JAKMIP3: variants seen among roughly 807,000 people sequenced by gnomAD.
The protein encoded by JAKMIP3 is Janus kinase and microtubule interacting protein 3, also known as janus kinase and microtubule-interacting protein 3.
In JAKMIP3, 58 loss-of-function variants were observed where a neutral mutation model predicts 118.5. The observed-to-expected ratio is 0.49, with a 90% CI of 0.40 to 0.61. The LOEUF (loss-of-function observed/expected upper bound fraction) is 0.61, where lower values mean the gene tolerates loss of function less well. JAKMIP3 is among the 20% of genes least tolerant of loss of function. JAKMIP3 has a pLI of 0.00. For missense variants in JAKMIP3, 950 were observed against 1,109.0 expected, an observed-to-expected ratio of 0.86 and a Z score of 2.04; for synonymous variants, 486 against 451.2, an observed-to-expected ratio of 1.08 and a Z score of -0.98.
At chr10:132,087,771 A>G (rs2042582835) in intron 1 of JAKMIP3, among the ~76,000 whole-genome samples, 1 of 151,500 alleles carries the variant, frequency 6.6e-6, no homozygotes, top group Non-Finnish European at 1.5e-5. Context: ...GGTTAGTTAC[A>G]TATGTATACA....
chr10:132,136,122 C>G, intron 6 of JAKMIP3, 46 bp downstream of exon 6: 1 of 1,598,388 alleles, frequency 6.3e-7, no homozygotes, highest in Non-Finnish European at 8.5e-7. Context: ...CACCCGAGCT[C>G]CAGGCAGCAT....
chr10:132,159,755 T>G (rs1405471246), intron 19 of JAKMIP3, among the ~76,000 whole-genome samples: 1 of 54,280 alleles, frequency 1.8e-5, no homozygotes, highest in African/African-American at 8.8e-5. Context: ...GGGGGGCCTC[T>G]TCCTGTGTGA....
intron 16 of JAKMIP3, among the ~76,000 whole-genome samples, chr10:132,150,866 A>G (rs573915826): frequency 2.0e-5 from 3 of 151,704 alleles, no homozygotes; most frequent in Admixed American, 2.0e-4. Context: ...CCATCTATCC[A>G]TCCTTCATCC....
chr10:132,097,971 T>TCCCCC (rs2044229608), intron 1 of JAKMIP3, among the ~76,000 whole-genome samples: 1 of 26,312 alleles, frequency 3.8e-5, no homozygotes, highest in Non-Finnish European at 9.1e-5. Context: ...CTTTCCTTCC[T>TCCCCC]TTTCTCCCCT....
At position 132,118,561 on chromosome 10, in the gene JAKMIP3, G is replaced by A. The variant is rs1175442873; in HGVS notation, c.633+987G>A. Among the ~76,000 whole-genome samples, 1 of 152,208 alleles carries A rather than the reference G, an allele frequency of 6.6e-6. No individual in the cohort carries two copies. Among genetic ancestry groups the A allele is most frequent in the Non-Finnish European group, 1.5e-5 (1 of 68,028 alleles). On this transcript the variant is annotated intron_variant, in intron 3 of 23. Transcript: ENST00000684848. The surrounding 1 kb of genome is among the most constrained non-coding windows in gnomAD (Gnocchi z 4.8). ...TCTCCAGGGATGGCCTCCAGGCTGG[G>A]CCAGCATGTGGAACTCCCAGAGAGG... is the stretch of plus-strand genomic sequence containing the variant.
intron 20 of JAKMIP3, 52 bp downstream of exon 20, chr10:132,163,464 A>G (rs2136577488): frequency 6.6e-7 from 1 of 1,508,052 alleles, no homozygotes. Flanking sequence ...CAGGACCTGC[A>G]CAGAGCCAGG....
intron 20 of JAKMIP3, 46 bp downstream of exon 20, chr10:132,163,458 A>G (rs1353168168): frequency 1.3e-6 from 2 of 1,524,988 alleles, no homozygotes; most frequent in African/African-American, 2.7e-5. Flanking sequence ...CCTGGCCAGG[A>G]CCTGCACAGA....
intron 2 of JAKMIP3, among the ~76,000 whole-genome samples, chr10:132,111,577 G>A (rs1464945285): frequency 6.6e-6 from 1 of 151,978 alleles, no homozygotes; most frequent in Non-Finnish European, 1.5e-5. Context: ...CCTATAGTCT[G>A]CCTGGGGACA....
At chr10:132,171,403 G>A (rs955523681) in intron 23 of JAKMIP3, among the ~76,000 whole-genome samples, 2 of 152,212 alleles carry the variant, frequency 1.3e-5, no homozygotes, top group Non-Finnish European at 2.9e-5. Flanking sequence ...CCCGGCAGGT[G>A]CACTGTGCGC....
intron 1 of JAKMIP3, among the ~76,000 whole-genome samples, chr10:132,097,903 T>TTCCCCTTTCCTTCCTTCCTTTTTTTTTC (rs1554928101): frequency 1.4e-5 from 1 of 72,874 alleles, no homozygotes; most frequent in Non-Finnish European, 3.0e-5. Flanking sequence ...CCCCTTCCCC[T>TTCCCCTTTCCTTCCTTCCTTTTTTTTTC]TCCCCTTCCC....
Position 132,053,607 on chromosome 10 carries a change from C to A in JAKMIP3, c.-138+16869C>A, listed in dbSNP as rs117986689. ...CTTAAGTGGGAGGTGAGTTCAGACC[C>A]CAACCAACCCTAACCTAACTCTAGT... On this transcript the variant is annotated intron_variant, in intron 1 of 23. Transcript: ENST00000657785. Among the ~76,000 whole-genome samples, 581 of 152,282 alleles carry A rather than the reference C, an allele frequency of 3.8e-3. 1 individual carries two copies. Among genetic ancestry groups the A allele is most frequent in the Middle Eastern group, 6.8e-3 (2 of 294 alleles).
intron 8 of JAKMIP3, among the ~76,000 whole-genome samples, 164 bp from the exon 9 acceptor site, chr10:132,137,955 G>T (rs868371647): frequency 6.6e-6 from 1 of 151,438 alleles, no homozygotes; most frequent in Admixed American, 6.6e-5. Context: ...AGCTCCCCGA[G>T]GAGCAGAGCT....
chr10:132,042,138 T>C (rs544807710), intron 1 of JAKMIP3, among the ~76,000 whole-genome samples: 3 of 149,006 alleles, frequency 2.0e-5, no homozygotes, highest in Non-Finnish European at 4.5e-5. Context: ...AGTGCTGGGA[T>C]TTTAGGTGTG....
intron 20 of JAKMIP3, among the ~76,000 whole-genome samples, chr10:132,164,248 G>A (rs938696701): frequency 6.6e-6 from 1 of 152,208 alleles, no homozygotes; most frequent in Admixed American, 6.5e-5. Flanking sequence ...AGGGGCTGTG[G>A]TTGGAGCTCG....
At chr10:132,143,055 C>T (rs542495003) in intron 11 of JAKMIP3, among the ~76,000 whole-genome samples, 1 of 152,178 alleles carries the variant, frequency 6.6e-6, no homozygotes, top group Admixed American at 6.5e-5. Context: ...TGGTTTCCCT[C>T]CTGCCTTCCT....
intron 2 of JAKMIP3, among the ~76,000 whole-genome samples, chr10:132,114,211 G>T (rs151000157): frequency 1.3e-5 from 2 of 152,316 alleles, no homozygotes; most frequent in East Asian, 3.9e-4. Flanking sequence ...GTGCAGCATG[G>T]CACAAGTTTA....
chr10:132,139,420 G>GCA (rs1322289440), intron 9 of JAKMIP3, among the ~76,000 whole-genome samples: 3 of 98,708 alleles, frequency 3.0e-5, no homozygotes, highest in East Asian at 2.9e-4. Context: ...GTGTGAGTGT[G>GCA]TGTGTGTGTT....
chr10:132,145,196 C>A lies in JAKMIP3; in HGVS notation c.1686+6C>A. 6.2e-7 allele frequency: 1 copy of A among 1,604,338 alleles called. No homozygotes were observed. Among genetic ancestry groups the A allele is most frequent in the Non-Finnish European group, 8.5e-7 (1 of 1,175,664 alleles). On this transcript the variant is annotated splice_donor_region_variant and intron_variant, in intron 12 of 23. Coordinates refer to ENST00000684848, the MANE Select transcript of JAKMIP3 (RefSeq NM_001323087.2). ...CCCTGGCGGAGCAGGGGCAGGTGAG[C>A]CTGCAGCCATCTGCACGGGCGTGGG...
At chr10:132,170,073 G>A (rs2059336324) in intron 23 of JAKMIP3, 1 of 152,252 alleles carries the variant, frequency 6.6e-6, no homozygotes, top group Non-Finnish European at 1.5e-5. Context: ...AGAAGGAGCG[G>A]GAGACCAGCA....
Sources: gnomAD v4.1 joint callset for allele counts (sites outside exome capture counted in the v4.1 genomes callset) on GRCh38, gnomAD v4.1.1 for gene constraint, Gnocchi (gnomAD v3.1) non-coding constraint, MANE v1.5 for transcripts, NCBI Gene and HGNC (gene_info 2026-07-23, HGNC 2026-07-21) for gene names.